VCAM1: variants seen among roughly 807,000 people sequenced by gnomAD.
The protein encoded by VCAM1 is vascular cell adhesion molecule 1, also known as vascular cell adhesion protein 1.
Under a neutral mutation model 63.8 loss-of-function variants are expected in VCAM1, and 41 were observed. That is an observed-to-expected ratio of 0.64 (90% CI 0.50 to 0.83). The LOEUF (loss-of-function observed/expected upper bound fraction) is 0.83, where lower values mean the gene tolerates loss of function less well. Among genes scored for constraint, VCAM1 ranks in the 40% least tolerant of loss-of-function variants. The probability of loss-of-function intolerance (pLI) is 0.00; values close to 1 mark genes in which losing one functional copy is unlikely to be tolerated. For synonymous variants in VCAM1, 338 were observed against 320.7 expected (o/e 1.05, Z -0.58); for missense variants, 798 against 875.5 (o/e 0.91, Z 1.12).
At position 100,720,627 on chromosome 1, in the gene VCAM1, G is replaced by A; in HGVS notation, c.216G>A (p.Thr72=). 3.1e-6 allele frequency: 5 copies of A among 1,613,212 alleles called. No individual in the cohort carries two copies. Among genetic ancestry groups the A allele is most frequent in the Non-Finnish European group, 4.2e-6 (5 of 1,179,542 alleles). The change falls in exon 2 of 9, where the codon ACG becomes ACA. Residue 72 remains threonine (T), a synonymous_variant. Coordinates refer to ENST00000294728, the MANE Select transcript of VCAM1 (RefSeq NM_001078.4). ...ATAGTCCACTGAATGGGAAGGTGAC[G>A]AATGAGGGGACCACATCTACGCTGA... is the stretch of plus-strand genomic sequence containing the variant. ...QIDSPLNGKV[T]NEGTTSTLTM...
intron 6 of VCAM1, among the ~76,000 whole-genome samples, chr1:100,732,198 A>C (rs1660486939): frequency 6.6e-6 from 1 of 152,180 alleles, no homozygotes; most frequent in Admixed American, 6.5e-5. Flanking sequence ...GTGTATACTG[A>C]ACTTACTTCC....
Position 100,731,167 on chromosome 1 carries a change from A to G in VCAM1, c.1205-31A>G. On this transcript the variant is annotated intron_variant, in intron 5 of 8. Transcript: ENST00000294728. The surrounding 1 kb of genome is among the most constrained non-coding windows in gnomAD (Gnocchi z 4.2). ...GCTCAATTTTTCCTTGAATATCAAGAATAAAAATCGTTTTTGCTTGCGATT... is the reference window on the plus strand; with the variant it reads ...GCTCAATTTTTCCTTGAATATCAAGGATAAAAATCGTTTTTGCTTGCGATT... 1.3e-6 allele frequency: 2 copies of G among 1,558,530 alleles called. No individual in the cohort carries two copies. The highest frequency in any genetic ancestry group is 1.7e-6 in the Non-Finnish European group (2 of 1,155,906).
intron 5 of VCAM1, 49 bp downstream of exon 5, chr1:100,729,431 G>A (rs1660351584): frequency 6.7e-7 from 1 of 1,489,056 alleles, no homozygotes; most frequent in Non-Finnish European, 8.9e-7. Context: ...CAGTTCTATT[G>A]GAAGAAAAAG....
At chr1:100,737,237 A>G (rs1411516557) in intron 8 of VCAM1, 2 of 152,192 alleles carry the variant, frequency 1.3e-5, no homozygotes, top group East Asian at 1.9e-4. Flanking sequence ...TAGGCCAAGC[A>G]GTGAGTCAGG....
At chr1:100,729,061 A>G (rs748349860) in intron 4 of VCAM1, 46 bp from the exon 5 acceptor site, 5 of 1,473,642 alleles carry the variant, frequency 3.4e-6, no homozygotes, top group Non-Finnish European at 4.5e-6. Flanking sequence ...TGAAAAAAGA[A>G]AAGAATCTTA....
At position 100,720,679 on chromosome 1, in the gene VCAM1, G is replaced by A; in HGVS notation, c.268G>A (p.Glu90Lys). The A allele has an allele frequency of 1.9e-6, 3 of 1,613,206 alleles. No individual in the cohort carries two copies. The highest frequency in any genetic ancestry group is 1.1e-5 in the South Asian group (1 of 91,046). The change falls in exon 2 of 9, where the codon GAA becomes AAA. Residue 90 changes from glutamate to lysine, a missense_variant. By Grantham distance (56) the Glu-to-Lys change is moderately conservative (BLOSUM62 1). Coordinates refer to ENST00000294728, the MANE Select transcript of VCAM1 (RefSeq NM_001078.4). ...LTMNPVSFGN[E>K]HSYLCTATCE... ...AATGAATCCTGTTAGTTTTGGGAAC[G>A]AACACTCTTACCTGTGCACAGCAAC...
intron 4 of VCAM1, among the ~76,000 whole-genome samples, chr1:100,727,325 A>G (rs1012059840): frequency 6.6e-6 from 1 of 151,990 alleles, no homozygotes; most frequent in Non-Finnish European, 1.5e-5. Flanking sequence ...AATTTTTAAA[A>G]TGTGAAAACA....
In VCAM1 at chr1:100,732,569, T is replaced by G. The variant is rs1465344820; in HGVS notation, c.1677T>G (p.Ser559=). ...CTAACGGGGAGCTACAGCCTCTTTC[T>G]GAGAATGCAACTCTCACCTTAATTT... is the stretch of plus-strand genomic sequence containing the variant. ...QLPNGELQPL[S]ENATLTLIST... Residue 559 remains serine (S), a synonymous_variant, in exon 7 of 9, where the codon TCT becomes TCG. Transcript: ENST00000294728. The G allele has an allele frequency of 6.2e-7, 1 of 1,613,502 alleles. No individual in the cohort carries two copies. Among genetic ancestry groups the G allele is most frequent in the Admixed American group, 1.7e-5 (1 of 59,900 alleles).
At chr1:100,736,825 G>A (rs1050090528) in intron 8 of VCAM1, 10 of 152,128 alleles carry the variant, frequency 6.6e-5, no homozygotes, top group Non-Finnish European at 1.0e-4. Context: ...TCTGATGCTC[G>A]TGATTCTTTT....
intron 5 of VCAM1, among the ~76,000 whole-genome samples, chr1:100,730,230 A>G (rs1660391078): frequency 6.6e-6 from 1 of 152,102 alleles, no homozygotes. Flanking sequence ...GTATGCCTGT[A>G]AAGGGATTTG....
At chr1:100,723,609 G>C (rs1372060256) in intron 3 of VCAM1, among the ~76,000 whole-genome samples, 1 of 151,968 alleles carries the variant, frequency 6.6e-6, no homozygotes. Context: ...TGTATAAAAG[G>C]GGAATAGTAA....
At position 100,723,186 on chromosome 1, in the gene VCAM1, C is replaced by A; in HGVS notation, c.507C>A (p.Asp169Glu). The stretch of plus-strand genomic sequence containing the variant: ...GTCAGGAATTTCTGGAGGATGCAGA[C>A]AGGAAGTCCCTGGAAACCAAGAGTT... ...MKSQEFLEDA[D>E]RKSLETKSLE... is the part of the protein sequence containing the mutation. Residue 169 changes from aspartate to glutamate, a missense_variant, in exon 3 of 9, where the codon GAC becomes GAA. Coordinates refer to ENST00000294728, the MANE Select transcript of VCAM1 (RefSeq NM_001078.4). The A allele has an allele frequency of 6.2e-7, 1 of 1,613,126 alleles. No homozygotes were observed. The highest frequency in any genetic ancestry group is 8.5e-7 in the Non-Finnish European group (1 of 1,179,442).
intron 2 of VCAM1, among the ~76,000 whole-genome samples, chr1:100,722,685 G>T (rs775937335): frequency 1.3e-5 from 2 of 152,008 alleles, no homozygotes; most frequent in Admixed American, 6.6e-5. Context: ...TTATTGTGAG[G>T]ATAAAATGAA....
At chr1:100,728,460 T>C (rs1454568819) in intron 4 of VCAM1, among the ~76,000 whole-genome samples, 2 of 152,026 alleles carry the variant, frequency 1.3e-5, no homozygotes, top group Admixed American at 1.3e-4. Flanking sequence ...GACCATTTTA[T>C]CACCATATGA....
intron 1 of VCAM1, 76 bp downstream of exon 1, chr1:100,720,000 C>A: frequency 1.3e-6 from 2 of 1,498,924 alleles, no homozygotes; most frequent in Admixed American, 1.7e-5. Flanking sequence ...GTCAGTTTTG[C>A]GATAGTAGTG....
chr1:100,730,394 A>G (rs1050391846), intron 5 of VCAM1, among the ~76,000 whole-genome samples: 3 of 152,122 alleles, frequency 2.0e-5, no homozygotes, highest in Non-Finnish European at 4.4e-5. Flanking sequence ...CTTTAACAAC[A>G]TTTTGGTTAA....
At chr1:100,730,358 A>T (rs1660397657) in intron 5 of VCAM1, among the ~76,000 whole-genome samples, 1 of 152,148 alleles carries the variant, frequency 6.6e-6, no homozygotes, top group South Asian at 2.1e-4. Context: ...TCTTATTGCA[A>T]CATAGAAATA....
At chr1:100,735,007 TGTCTCTGAGGTC>T (rs1481674663) in intron 8 of VCAM1, among the ~76,000 whole-genome samples, 2 of 152,320 alleles carry the variant, frequency 1.3e-5, no homozygotes, top group East Asian at 3.9e-4. Context: ...ATTTATCATT[TGTCTCTGAGGTC>T]TTGCAGTTGC....
chr1:100,738,342 C>T lies in VCAM1; in HGVS notation c.*59C>T, dbSNP rs1660734596. The T allele has an allele frequency of 1.3e-6, 2 of 1,514,466 alleles. No homozygotes were observed. Among genetic ancestry groups the T allele is most frequent in the Non-Finnish European group, 1.8e-6 (2 of 1,121,278 alleles). The allele number at this position is 1,514,466 out of a possible 1,614,324, so 93.8% of individuals were successfully genotyped here. On this transcript the variant is annotated 3_prime_UTR_variant, in exon 9 of 9. Coordinates refer to ENST00000294728, the MANE Select transcript of VCAM1 (RefSeq NM_001078.4). Reference sequence around the variant, plus strand: ...TTATCTGTGCAAATCCTTGATACTGCTCATCATTCCTTGAGAAAAACAATG... The same window carrying T: ...TTATCTGTGCAAATCCTTGATACTGTTCATCATTCCTTGAGAAAAACAATG...
Sources: allele counts gnomAD v4.1 joint callset (sites outside exome capture counted in the v4.1 genomes callset), GRCh38; gene constraint gnomAD v4.1.1; non-coding constraint Gnocchi (gnomAD v3.1); transcripts MANE v1.5; gene names NCBI Gene and HGNC (gene_info 2026-07-23, HGNC 2026-07-21).